Variants in USP40 observed in about 807,000 individuals in gnomAD.
USP40 encodes the protein ubiquitin specific peptidase 40.
Under a neutral mutation model 166.2 loss-of-function variants are expected in USP40, and 143 were observed. The ratio of observed to expected loss-of-function variants is 0.86; its 90% CI spans 0.75 to 0.99. The LOEUF is 0.99. Ranked by LOEUF, USP40 falls within the 50% of genes least tolerant of loss-of-function variation. The pLI is 0.00. For synonymous variants in USP40, 498 were observed against 524.0 expected, an observed-to-expected ratio of 0.95 and a Z score of 0.68; for missense variants, 1,444 against 1,479.7, an observed-to-expected ratio of 0.98 and a Z score of 0.40.
chr2:233,504,962 A>G (rs543401582), intron 21 of USP40, among the ~76,000 whole-genome samples: 1 of 152,254 alleles, frequency 6.6e-6, no homozygotes, highest in African/African-American at 2.4e-5. Context: ...TAGACCACAA[A>G]ACAAGTCTTA....
At position 233,533,590 on chromosome 2, in the gene USP40, C is replaced by A. The variant is rs202066075; in HGVS notation, c.1360G>T (p.Asp454Tyr). 1 of 1,613,812 alleles carries A rather than the reference C, an allele frequency of 6.2e-7. No homozygotes were observed. Among genetic ancestry groups the A allele is most frequent in the East Asian group, 2.2e-5 (1 of 44,870 alleles). Residue 454 changes from aspartate (D) to tyrosine (Y), a missense_variant, in exon 11 of 32, where the codon GAT becomes TAT. Coordinates refer to ENST00000678225, the MANE Select transcript of USP40 (RefSeq NM_001365479.2). ...ISCPHWFDINDSKVQPIREKD... is the reference protein window; with the variant it reads ...ISCPHWFDINYSKVQPIREKD... ...TCCCTGATTGGCTGGACTTTAGAAT[C>A]ATTTATATCAAACCAGTGGGGACAG...
chr2:233,557,480 A>G (rs2071201771), intron 4 of USP40, among the ~76,000 whole-genome samples: 1 of 152,266 alleles, frequency 6.6e-6, no homozygotes, highest in Non-Finnish European at 1.5e-5. Flanking sequence ...AAACAAGACT[A>G]ACACAGTGTT....
At chr2:233,503,093 TAAAC>T (rs925120182) in intron 21 of USP40, among the ~76,000 whole-genome samples, 39 of 152,154 alleles carry the variant, frequency 2.6e-4, no homozygotes, top group African/African-American at 9.2e-4. Flanking sequence ...AGGAAACTCA[TAAAC>T]AAGAGAATAC....
At chr2:233,542,013 C>A (rs966896731) in intron 9 of USP40, among the ~76,000 whole-genome samples, 1 of 152,092 alleles carries the variant, frequency 6.6e-6, no homozygotes, top group Non-Finnish European at 1.5e-5. Context: ...CCTACTTATA[C>A]TTTTTATCTT....
In USP40 at chr2:233,540,745, C is replaced by G; in HGVS notation, c.1087G>C (p.Asp363His). The G allele has an allele frequency of 6.2e-7, 1 of 1,613,312 alleles. No individual in the cohort carries two copies. The change falls in exon 10 of 32, where the codon GAT (aspartate) becomes CAT (histidine). Residue 363 changes from aspartate to histidine, a missense_variant. Transcript: ENST00000678225. ...LEEENNLIPV[D>H]QLGQKLLKKI... is the part of the protein sequence containing the mutation. ...TTCAAAAGTTTCTGGCCCAGCTGAT[C>G]AACAGGAATTAGATTATTCTCCTCC...
chr2:233,542,515 G>T (rs916196424), intron 8 of USP40, 152 bp from the exon 9 acceptor site: 2 of 553,238 alleles, frequency 3.6e-6, no homozygotes, highest in East Asian at 3.1e-5. Flanking sequence ...TTCAAGACCA[G>T]CCTGGGCAAC....
chr2:233,541,151 T>C (rs1329801501), intron 9 of USP40, among the ~76,000 whole-genome samples: 1 of 152,226 alleles, frequency 6.6e-6, no homozygotes, highest in Non-Finnish European at 1.5e-5. Context: ...CTTATCTAAA[T>C]GTTTTGAAGT....
At chr2:233,491,103 A>G in intron 26 of USP40, 64 bp downstream of exon 26, 1 of 1,103,648 alleles carries the variant, frequency 9.1e-7, no homozygotes, top group Non-Finnish European at 1.4e-6. Context: ...ATAGAAGAAT[A>G]TATTAATATC....
intron 23 of USP40, among the ~76,000 whole-genome samples, chr2:233,497,600 G>A (rs989153566): frequency 3.3e-4 from 50 of 152,340 alleles, no homozygotes; most frequent in Non-Finnish European, 6.6e-4. Flanking sequence ...AGGCTGGAAC[G>A]AGAAGCCAGT....
intron 22 of USP40, 100 bp from the exon 23 acceptor site, chr2:233,498,712 T>C: frequency 1.1e-6 from 1 of 934,964 alleles, no homozygotes; most frequent in Non-Finnish European, 1.6e-6. Flanking sequence ...CACCTTAACT[T>C]CCTTTCCAGA....
rs748433427 is a variant in USP40 at position 233,533,439 on chromosome 2, C to A, written c.1471+40G>T. 5 of 1,568,210 alleles carry A rather than the reference C, an allele frequency of 3.2e-6. No homozygotes were observed. The South Asian group carries it at 6.0e-5, about 19-fold the overall frequency. On this transcript the variant is annotated intron_variant, in intron 11 of 31. Coordinates refer to ENST00000678225, the MANE Select transcript of USP40 (RefSeq NM_001365479.2). ...AGCATTCCATGTTTATCTTCTAAAG[C>A]CATTAACTGAAACAAATAGGAACAT...
chr2:233,538,991 T>C (rs1394728843), intron 10 of USP40, among the ~76,000 whole-genome samples: 1 of 152,176 alleles, frequency 6.6e-6, no homozygotes, highest in Non-Finnish European at 1.5e-5. Context: ...ACTGTGCTCC[T>C]ACGCTTCAGT....
chr2:233,535,458 A>G (rs1559264633), intron 10 of USP40, among the ~76,000 whole-genome samples: 1 of 152,226 alleles, frequency 6.6e-6, no homozygotes, highest in East Asian at 1.9e-4. Flanking sequence ...TCTTAGCTCA[A>G]GACTATAAGA....
chr2:233,510,391 T>C (rs1663403890), intron 20 of USP40, among the ~76,000 whole-genome samples: 1 of 138,354 alleles, frequency 7.2e-6, no homozygotes, highest in Non-Finnish European at 1.5e-5. Flanking sequence ...TCTTTTTCTT[T>C]CTTTTTTTTT....
chr2:233,496,420 G>C (rs1043708429), intron 24 of USP40, among the ~76,000 whole-genome samples: 15 of 152,238 alleles, frequency 9.9e-5, no homozygotes, highest in Admixed American at 9.2e-4. Context: ...AAAACAAAAT[G>C]TTAAAAACAC....
At chr2:233,548,874 G>C (rs1437376311) in intron 8 of USP40, among the ~76,000 whole-genome samples, 2 of 152,038 alleles carry the variant, frequency 1.3e-5, no homozygotes, top group Admixed American at 6.5e-5. Flanking sequence ...AGAGAATCTA[G>C]GTAAAGGGTA....
Position 233,549,110 on chromosome 2 carries a change from C to G in USP40, c.957G>C (p.Trp319Cys). 1.9e-6 allele frequency: 3 copies of G among 1,596,124 alleles called. No homozygotes were observed. The highest frequency in any genetic ancestry group is 2.6e-6 in the Non-Finnish European group (3 of 1,172,614). Residue 319 changes from tryptophan (W) to cysteine (C), a missense_variant, in exon 8 of 32, where the codon TGG (tryptophan) becomes TGC (cysteine). Physicochemically the swap from Trp to Cys is radical, Grantham distance 215. Transcript: ENST00000678225. ...GAATTTCTATACGTACTTGAAACTG[C>G]CAGTTTCCCAAATGATCAACATCTT... is the stretch of plus-strand genomic sequence containing the variant. ...YIKDVDHLGN[W>C]QFQEEKSKPD... is the part of the protein sequence containing the mutation.
chr2:233,530,249 CA>C (rs538310962), intron 11 of USP40, among the ~76,000 whole-genome samples: 19 of 151,732 alleles, frequency 1.3e-4, no homozygotes, highest in Middle Eastern at 6.8e-3. Flanking sequence ...CACAAACACA[CA>C]CAATTTTAAA....
At chr2:233,532,050 A>G (rs1179578180) in intron 11 of USP40, among the ~76,000 whole-genome samples, 1 of 152,180 alleles carries the variant, frequency 6.6e-6, no homozygotes, top group Non-Finnish European at 1.5e-5. Context: ...CACACATAGG[A>G]AATTGGCTGA....
Sources: gnomAD v4.1 joint callset for allele counts (sites outside exome capture counted in the v4.1 genomes callset) on GRCh38, gnomAD v4.1.1 for gene constraint, MANE v1.5 for transcripts, NCBI Gene and HGNC (gene_info 2026-07-23, HGNC 2026-07-21) for gene names.